Variants in CSMD1 observed in about 807,000 individuals in gnomAD.
The protein encoded by CSMD1 is CUB and sushi domain-containing protein 1.
Under a neutral mutation model 417.5 loss-of-function variants are expected in CSMD1, and 213 were observed. That is an observed-to-expected ratio of 0.51 (90% CI 0.46 to 0.57). The LOEUF (loss-of-function observed/expected upper bound fraction) is 0.57, where lower values mean the gene tolerates loss of function less well. CSMD1 is among the 20% of genes least tolerant of loss of function. CSMD1 has a pLI of 0.00. For missense variants in CSMD1, 6,923 were observed against 4,529.7 expected, an observed-to-expected ratio of 1.53 and a Z score of -15.17; for synonymous variants, 2,862 against 1,736.8, an observed-to-expected ratio of 1.65 and a Z score of -16.11.
intron 5 of CSMD1, among the ~76,000 whole-genome samples, chr8:3,819,675 C>A (rs539032320): frequency 1.3e-5 from 2 of 152,248 alleles, no homozygotes; most frequent in Admixed American, 6.5e-5. Context: ...CCTTGGCCTA[C>A]TGGGGGTCTT....
At chr8:3,203,838 G>A (rs1355884482) in intron 31 of CSMD1, among the ~76,000 whole-genome samples, 1 of 152,098 alleles carries the variant, frequency 6.6e-6, no homozygotes, top group South Asian at 2.1e-4. Context: ...TAATAATATC[G>A]CTTCGCATTT....
chr8:4,081,807 A>C (rs1316063436), intron 3 of CSMD1, among the ~76,000 whole-genome samples: 3 of 152,064 alleles, frequency 2.0e-5, no homozygotes, highest in Non-Finnish European at 4.4e-5. Flanking sequence ...ACAATGGATC[A>C]AATAAATTGT....
At chr8:3,066,695 C>T (rs1361545672) in intron 49 of CSMD1, among the ~76,000 whole-genome samples, 1 of 152,152 alleles carries the variant, frequency 6.6e-6, no homozygotes, top group African/African-American at 2.4e-5. Context: ...AGATTCCAAA[C>T]AGACTGAAGG....
chr8:4,054,305 TCTC>T (rs1229592718), intron 3 of CSMD1, among the ~76,000 whole-genome samples: 1 of 152,054 alleles, frequency 6.6e-6, no homozygotes, highest in Non-Finnish European at 1.5e-5. Flanking sequence ...CTTCACATTC[TCTC>T]CTCTCCTCTG....
intron 3 of CSMD1, among the ~76,000 whole-genome samples, chr8:4,397,514 C>A (rs1250598094): frequency 6.9e-6 from 1 of 144,412 alleles, no homozygotes; most frequent in Non-Finnish European, 1.5e-5. Context: ...TGTCAACAAG[C>A]CTGAGACTCT....
intron 5 of CSMD1, among the ~76,000 whole-genome samples, chr8:3,937,174 C>G (rs1426579782): frequency 6.6e-6 from 1 of 152,126 alleles, no homozygotes; most frequent in African/African-American, 2.4e-5. Flanking sequence ...AAATCTACTC[C>G]TGGTGAAGAT....
At chr8:3,657,168 C>T (rs1387875574) in intron 7 of CSMD1, among the ~76,000 whole-genome samples, 1 of 152,152 alleles carries the variant, frequency 6.6e-6, no homozygotes, top group Non-Finnish European at 1.5e-5. Context: ...AGTAAATTTA[C>T]ATCCTACAGG....
At chr8:3,948,794 T>A (rs1811413222) in intron 5 of CSMD1, among the ~76,000 whole-genome samples, 3 of 151,544 alleles carry the variant, frequency 2.0e-5, no homozygotes, top group Non-Finnish European at 4.4e-5. Flanking sequence ...TCAAAAGCAG[T>A]TTTACTACCC....
At chr8:4,382,250 A>G (rs180835559) in intron 3 of CSMD1, among the ~76,000 whole-genome samples, 2 of 152,332 alleles carry the variant, frequency 1.3e-5, no homozygotes, top group African/African-American at 4.8e-5. Context: ...CCAAAGCCAT[A>G]AAGATCATTG....
chr8:3,587,199 C>T (rs1800642273), intron 8 of CSMD1, among the ~76,000 whole-genome samples: 1 of 152,228 alleles, frequency 6.6e-6, no homozygotes, highest in South Asian at 2.1e-4. Context: ...CGGTTGTAAA[C>T]ATTAACAAGA....
chr8:3,929,797 G>C (rs1810015455), intron 5 of CSMD1, among the ~76,000 whole-genome samples: 1 of 149,480 alleles, frequency 6.7e-6, no homozygotes, highest in Non-Finnish European at 1.5e-5. Context: ...GAGTAGCTGG[G>C]ACTACAGGCA....
intron 2 of CSMD1, among the ~76,000 whole-genome samples, chr8:4,420,946 T>C (rs1797218147): frequency 6.6e-6 from 1 of 152,206 alleles, no homozygotes. Flanking sequence ...CTTTCTTATC[T>C]GGTACAATTC....
chr8:3,366,943 C>T, intron 20 of CSMD1, 89 bp downstream of exon 20: 3 of 743,330 alleles, frequency 4.0e-6, no homozygotes, highest in Non-Finnish European at 6.4e-6. Flanking sequence ...GCACACATTA[C>T]ACACACACAC....
chr8:3,040,824 T>C (rs1435033484), intron 50 of CSMD1, among the ~76,000 whole-genome samples: 2 of 152,112 alleles, frequency 1.3e-5, no homozygotes, highest in Non-Finnish European at 2.9e-5. Flanking sequence ...AATAAGATTA[T>C]AAATTAATAG....
chr8:3,785,355 G>A (rs933312885), intron 5 of CSMD1, among the ~76,000 whole-genome samples: 2 of 152,190 alleles, frequency 1.3e-5, no homozygotes, highest in Admixed American at 1.3e-4. Flanking sequence ...GTCAGCAGTG[G>A]AACCATTTCT....
chr8:4,226,421 G>A (rs991436945), intron 3 of CSMD1, among the ~76,000 whole-genome samples: 3 of 152,028 alleles, frequency 2.0e-5, no homozygotes, highest in South Asian at 4.2e-4. Flanking sequence ...AACATAACAT[G>A]CAGAATTAAT....
intron 4 of CSMD1, among the ~76,000 whole-genome samples, chr8:4,002,666 G>C (rs891442702): frequency 6.6e-6 from 1 of 152,154 alleles, no homozygotes; most frequent in African/African-American, 2.4e-5. Context: ...TTTGCTGACA[G>C]AAATGGGAAC....
chr8:3,095,119 C>T (rs1815206824), intron 47 of CSMD1, among the ~76,000 whole-genome samples: 1 of 152,064 alleles, frequency 6.6e-6, no homozygotes, highest in Non-Finnish European at 1.5e-5. Flanking sequence ...AAGTAAGAGA[C>T]TTAAAAGCAT....
At chr8:4,059,952 C>T (rs1020472608) in intron 3 of CSMD1, among the ~76,000 whole-genome samples, 16 of 152,042 alleles carry the variant, frequency 1.1e-4, no homozygotes, top group Non-Finnish European at 2.1e-4. Flanking sequence ...ATGAGGCCAG[C>T]ATCATCCTGA....
Sources: gnomAD v4.1 joint callset for allele counts (sites outside exome capture counted in the v4.1 genomes callset) on GRCh38, gnomAD v4.1.1 for gene constraint, MANE v1.5 for transcripts, NCBI Gene and HGNC (gene_info 2026-07-23, HGNC 2026-07-21) for gene names.